RELN: variants seen among roughly 807,000 people sequenced by gnomAD.
RELN encodes reelin.
Under a neutral mutation model 427.6 loss-of-function variants are expected in RELN, and 108 were observed. The observed-to-expected ratio is 0.25, with a 90% confidence interval of 0.22 to 0.30. The LOEUF (loss-of-function observed/expected upper bound fraction) is 0.30, where lower values mean the gene tolerates loss of function less well. Among genes scored for constraint, RELN ranks in the 10% least tolerant of loss-of-function variants. The pLI is 1.00. For synonymous variants in RELN, 1,524 were observed against 1,513.4 expected, an observed-to-expected ratio of 1.01 and a Z score of -0.16; for missense variants, 3,715 against 4,302.8, an observed-to-expected ratio of 0.86 and a Z score of 3.82.
At chr7:103,689,826 C>CTCCA (rs1244236712) in intron 10 of RELN, among the ~76,000 whole-genome samples, 2 of 152,170 alleles carry the variant, frequency 1.3e-5, no homozygotes, top group Non-Finnish European at 2.9e-5. Context: ...GCTGCAGCAG[C>CTCCA]TCCAGGCTGA....
chr7:103,965,818 C>A lies in RELN; in HGVS notation c.226+23313G>T, dbSNP rs1004223165. Reference sequence around the variant, plus strand: ...CATTTGGAAAAGATTTTATTTTATACCCCAAAATTAAAATTTAAAATTATG... The same window carrying A: ...CATTTGGAAAAGATTTTATTTTATAACCCAAAATTAAAATTTAAAATTATG... On this transcript the variant is annotated intron_variant, in intron 1 of 64. Transcript: ENST00000428762. 2.0e-5 allele frequency among the ~76,000 whole-genome samples: 3 copies of A among 151,980 alleles called. No individual in the cohort carries two copies. In the South Asian group the frequency reaches 6.2e-4, roughly 32 times the overall value.
At position 103,886,385 on chromosome 7, in the gene RELN, G is replaced by A. The variant is rs79620262; in HGVS notation, c.337+30690C>T. Among the ~76,000 whole-genome samples, 606 of 152,192 alleles carry A rather than the reference G, an allele frequency of 4.0e-3. 23 individuals are homozygous for A. The East Asian group carries it at 0.072, about 18-fold the overall frequency. ...ATCCAACTGAAAGATATTCTTCATC[G>A]TGGGAAGTTTGGAGAAGGGATTTAT... On this transcript the variant is annotated intron_variant, in intron 2 of 64. Transcript: ENST00000428762.
At chr7:103,544,948 C>T (rs1453953188) in intron 42 of RELN, among the ~76,000 whole-genome samples, 176 bp downstream of exon 42, 3 of 152,172 alleles carry the variant, frequency 2.0e-5, no homozygotes, top group African/African-American at 7.2e-5. Context: ...ACTCACTGAC[C>T]ATTGTTTCCA....
At chr7:103,894,366 G>A (rs1794914739) in intron 2 of RELN, among the ~76,000 whole-genome samples, 1 of 152,140 alleles carries the variant, frequency 6.6e-6, no homozygotes, top group Non-Finnish European at 1.5e-5. Flanking sequence ...GCTTTGCCTA[G>A]TGACTAAAAG....
At chr7:103,974,442 A>G (rs1010794720) in intron 1 of RELN, among the ~76,000 whole-genome samples, 4 of 150,654 alleles carry the variant, frequency 2.7e-5, no homozygotes, top group African/African-American at 7.4e-5. Flanking sequence ...TCAAAGGCTC[A>G]TAAATTAAAA....
chr7:103,956,828 G>C (rs1584399608), intron 1 of RELN, among the ~76,000 whole-genome samples: 1 of 152,138 alleles, frequency 6.6e-6, no homozygotes, highest in Admixed American at 6.6e-5. Flanking sequence ...TGTTAAAAGA[G>C]AACTGTCCTG....
At position 103,856,951 on chromosome 7, in the gene RELN, A is replaced by T. The variant is rs555361660; in HGVS notation, c.338-23279T>A. Among the ~76,000 whole-genome samples the T allele has an allele frequency of 2.0e-5, 3 of 152,300 alleles. No individual in the cohort carries two copies. In the South Asian group the frequency reaches 6.2e-4, roughly 32 times the overall value. ...AAATCACTGGCTAAGGTAAACTCTG[A>T]AAGAACATATAAACATTTACAATAT... is the stretch of plus-strand genomic sequence containing the variant. On this transcript the variant is annotated intron_variant, in intron 2 of 64. Coordinates refer to ENST00000428762, the MANE Select transcript of RELN (RefSeq NM_005045.4).
intron 2 of RELN, among the ~76,000 whole-genome samples, chr7:103,872,847 C>T (rs1488202348): frequency 4.7e-5 from 7 of 150,516 alleles, no homozygotes; most frequent in Non-Finnish European, 8.9e-5. Flanking sequence ...TGTTTTTTGG[C>T]TGCATAAATG....
At chr7:103,540,804 A>G (rs1313500085) in intron 43 of RELN, among the ~76,000 whole-genome samples, 3 of 152,196 alleles carry the variant, frequency 2.0e-5, no homozygotes, top group African/African-American at 7.2e-5. Flanking sequence ...GTGTGTTGTC[A>G]TCTATTTAAG....
chr7:103,925,404 T>A (rs1795710455), intron 1 of RELN, among the ~76,000 whole-genome samples: 1 of 152,124 alleles, frequency 6.6e-6, no homozygotes, highest in African/African-American at 2.4e-5. Flanking sequence ...TAACCCAAAA[T>A]TTTTTTCTTT....
intron 11 of RELN, among the ~76,000 whole-genome samples, chr7:103,675,351 G>A (rs369086802): frequency 4.6e-5 from 7 of 152,010 alleles, no homozygotes; most frequent in Non-Finnish European, 8.8e-5. Flanking sequence ...GACCTCTTCA[G>A]GGAGAACTAC....
chr7:103,872,859 CT>C (rs1471699110), intron 2 of RELN, among the ~76,000 whole-genome samples: 2 of 150,468 alleles, frequency 1.3e-5, no homozygotes, highest in African/African-American at 4.9e-5. Context: ...GCATAAATGT[CT>C]TCTTTTGAGA....
At chr7:103,558,463 G>T (rs1303535397) in intron 36 of RELN, among the ~76,000 whole-genome samples, 1 of 152,154 alleles carries the variant, frequency 6.6e-6, no homozygotes, top group African/African-American at 2.4e-5. Context: ...CTTTCTCAGG[G>T]TTCCAAGGAG....
At chr7:103,654,911 G>T (rs1006176083) in intron 12 of RELN, among the ~76,000 whole-genome samples, 3 of 152,036 alleles carry the variant, frequency 2.0e-5, no homozygotes, top group African/African-American at 7.2e-5. Context: ...TAGTGGAAGA[G>T]CCAGGGGTAC....
At chr7:103,540,578 G>A (rs979643417) in intron 43 of RELN, 123 bp from the exon 44 acceptor site, 14 of 839,308 alleles carry the variant, frequency 1.7e-5, no homozygotes, top group Non-Finnish European at 2.7e-5. Context: ...GCGATTTAAT[G>A]AGTGTCCAAA....
At chr7:103,820,797 A>T (rs1194186736) in intron 3 of RELN, among the ~76,000 whole-genome samples, 2 of 152,060 alleles carry the variant, frequency 1.3e-5, no homozygotes, top group African/African-American at 2.4e-5. Flanking sequence ...ACTGGGGTTG[A>T]CAAGAAAACC....
chr7:103,648,065 T>C (rs1001934545), intron 16 of RELN, among the ~76,000 whole-genome samples: 1 of 151,914 alleles, frequency 6.6e-6, no homozygotes. Flanking sequence ...ATGGAATAAA[T>C]ACTTAAATGT....
rs529144422 is a variant in RELN at position 103,677,260 on chromosome 7, G to T, written c.1289+4856C>A. On this transcript the variant is annotated intron_variant, in intron 11 of 64. Coordinates refer to ENST00000428762, the MANE Select transcript of RELN (RefSeq NM_005045.4). ...GGGAACATCATACACTAGGATCTGTGGGGGGTGGGGGACTAGGGGAGGGAT... is the reference window on the plus strand; with the variant it reads ...GGGAACATCATACACTAGGATCTGTTGGGGGTGGGGGACTAGGGGAGGGAT... 3.3e-5 allele frequency among the ~76,000 whole-genome samples: 5 copies of T among 150,540 alleles called. No individual in the cohort carries two copies. The South Asian group carries it at 1.1e-3, about 32-fold the overall frequency.
chr7:103,595,904 T>A (rs959978683), intron 25 of RELN, among the ~76,000 whole-genome samples: 6 of 152,136 alleles, frequency 3.9e-5, no homozygotes, highest in African/African-American at 1.4e-4. Context: ...CTCCCCAAAC[T>A]CTTCAACAGT....
Sources: allele counts gnomAD v4.1 joint callset (sites outside exome capture counted in the v4.1 genomes callset), GRCh38; gene constraint gnomAD v4.1.1; transcripts MANE v1.5; gene names NCBI Gene and HGNC (gene_info 2026-07-23, HGNC 2026-07-21).